Variants in TBC1D16 observed in about 807,000 individuals in gnomAD.
TBC1D16 encodes the protein TBC1 domain family member 16.
A neutral mutation model predicts 74.7 loss-of-function variants in TBC1D16; 58 were observed. That is an observed-to-expected ratio of 0.78 (90% confidence interval 0.63 to 0.97). The LOEUF (loss-of-function observed/expected upper bound fraction) is 0.97. Among genes scored for constraint, TBC1D16 ranks in the 50% least tolerant of loss-of-function variants. TBC1D16 has a pLI of 0.00. For missense variants in TBC1D16, 1,014 were observed against 1,079.5 expected (o/e 0.94, Z 0.85); for synonymous variants, 493 against 474.7 (o/e 1.04, Z -0.50).
rs2031340815 is a variant in TBC1D16, at chr17:79,932,849, A to G, written c.*8010T>C. On this transcript the variant is annotated 3_prime_UTR_variant, in exon 12 of 12. Transcript: ENST00000310924. ...GCACCATCCTAATTTCAACATCCAG[A>G]TGTCAATTCAGAAAATTATTATATC... is the stretch of plus-strand genomic sequence containing the variant. The G allele has an allele frequency of 6.6e-6, 1 of 152,246 alleles. No homozygotes were observed. The highest frequency in any genetic ancestry group is 6.5e-5 in the Admixed American group (1 of 15,284). 9.4% of individuals were successfully genotyped at this position (152,246 alleles called of 1,614,324 possible).
chr17:80,017,734 C>T (rs72848435), intron 1 of TBC1D16, among the ~76,000 whole-genome samples: 11,527 of 143,028 alleles, frequency 0.081, 467 homozygotes, highest in Non-Finnish European at 0.095. Context: ...ACAGGCTGTA[C>T]AAAACAGGTG....
At chr17:79,953,832 GCGATCT>G (rs2033200801) in intron 3 of TBC1D16, among the ~76,000 whole-genome samples, 1 of 150,888 alleles carries the variant, frequency 6.6e-6, no homozygotes, top group African/African-American at 2.4e-5. Flanking sequence ...AGTGCAGTGT[GCGATCT>G]CGGCTCACTG....
In TBC1D16 at chr17:80,010,367, C is replaced by T. The variant is rs368774708; in HGVS notation, c.572G>A (p.Ser191Asn). Residue 191 changes from serine to asparagine, a missense_variant, in exon 3 of 12, where the codon AGT (serine) becomes AAT (asparagine). Ser to Asn is a conservative substitution (Grantham distance 46, BLOSUM62 1). Coordinates refer to ENST00000310924, the MANE Select transcript of TBC1D16 (RefSeq NM_019020.4). This position sits in a 1 kb window ranked among gnomAD's most constrained non-coding sequence, Gnocchi z 8.8. ...CCCCTCCTCGGTGACATCCTGCGGA[C>T]TGACCGTCGACAAGATCCCGGAGGG... is the stretch of plus-strand genomic sequence containing the variant. ...CSPSGILSTV[S>N]PQDVTEEGRE... The T allele has an allele frequency of 1.2e-5, 20 of 1,612,152 alleles. No individual in the cohort carries two copies. The highest frequency in any genetic ancestry group is 1.4e-5 in the Non-Finnish European group (17 of 1,179,362).
chr17:79,972,855 G>A (rs1185326860), intron 3 of TBC1D16, among the ~76,000 whole-genome samples: 3 of 151,912 alleles, frequency 2.0e-5, no homozygotes, highest in African/African-American at 7.3e-5. Context: ...CGAGGCAGGA[G>A]TGGATCGCCT....
At position 79,980,322 on chromosome 17, in the gene TBC1D16, G is replaced by A. The variant is rs189814262; in HGVS notation, c.780-27504C>T. Among the ~76,000 whole-genome samples the A allele has an allele frequency of 5.7e-4, 86 of 152,206 alleles. No individual in the cohort carries two copies. The highest frequency in any genetic ancestry group is 1.2e-3 in the African/African-American group (50 of 41,500). Reference sequence around the variant, plus strand: ...AATTCCCCTTCTCTCTTGGCTTCACGGCACGGGCTTCTTGACCACCATGTA... The same window carrying A: ...AATTCCCCTTCTCTCTTGGCTTCACAGCACGGGCTTCTTGACCACCATGTA... On this transcript the variant is annotated intron_variant, in intron 3 of 11. Coordinates refer to ENST00000310924, the MANE Select transcript of TBC1D16 (RefSeq NM_019020.4). This position sits in a 1 kb window ranked among gnomAD's most constrained non-coding sequence, Gnocchi z 7.0.
At chr17:79,965,551 C>G (rs1453149749) in intron 3 of TBC1D16, among the ~76,000 whole-genome samples, 1 of 152,120 alleles carries the variant, frequency 6.6e-6, no homozygotes, top group Non-Finnish European at 1.5e-5. Context: ...TGAAGACTTC[C>G]TTACATAAAC....
chr17:80,025,188 GACAC>G (rs1166500076), intron 1 of TBC1D16, among the ~76,000 whole-genome samples: 1 of 147,030 alleles, frequency 6.8e-6, no homozygotes, highest in Non-Finnish European at 1.5e-5. Context: ...CACATACCAT[GACAC>G]ACACGCACCC....
Position 80,010,413 on chromosome 17 carries a change from C to T in TBC1D16, c.526G>A (p.Ala176Thr), listed in dbSNP as rs766476353. 6.2e-7 allele frequency: 1 copy of T among 1,611,236 alleles called. No individual in the cohort carries two copies. Among genetic ancestry groups the T allele is most frequent in the Non-Finnish European group, 8.5e-7 (1 of 1,179,094 alleles). The change falls in exon 3 of 12, where the codon GCC becomes ACC. Residue 176 changes from alanine (A) to threonine (T), a missense_variant. By Grantham distance (58) the Ala-to-Thr change is moderately conservative. Transcript: ENST00000310924. The surrounding 1 kb of genome is among the most constrained non-coding windows in gnomAD (Gnocchi z 8.8). The part of the protein sequence containing the change: ...QGLGVDGAQP[A>T]SQPACSPSGI... ...GAGGGGCTGCAAGCAGGCTGCGAGG[C>T]TGGCTGGGCACCATCCACCCCCAAG... is the stretch of plus-strand genomic sequence containing the variant.
In TBC1D16 at chr17:79,981,925, A is replaced by G. The variant is rs1462587427; in HGVS notation, c.779+28235T>C. ...TCCCTGTGCGCACACACACACGCAC[A>G]CACACACACATGCACATGTATTAAA... On this transcript the variant is annotated intron_variant, in intron 3 of 11. Coordinates refer to ENST00000310924, the MANE Select transcript of TBC1D16 (RefSeq NM_019020.4). This position sits in a 1 kb window ranked among gnomAD's most constrained non-coding sequence, Gnocchi z 6.9. Among the ~76,000 whole-genome samples, 2 of 152,340 alleles carry G rather than the reference A, an allele frequency of 1.3e-5. No homozygotes were observed. Among genetic ancestry groups the G allele is most frequent in the Admixed American group, 6.5e-5 (1 of 15,300 alleles).
At chr17:79,982,230 T>A (rs1225695136) in intron 3 of TBC1D16, among the ~76,000 whole-genome samples, 1 of 145,840 alleles carries the variant, frequency 6.9e-6, no homozygotes, top group Non-Finnish European at 1.5e-5. Flanking sequence ...CACCACAACC[T>A]CTGCCTCCCA....
rs1598305750 is a variant in TBC1D16, at chr17:79,940,896, G to A, written c.2267C>T (p.Pro756Leu). 9 of 1,579,106 alleles carry A rather than the reference G, an allele frequency of 5.7e-6. No individual in the cohort carries two copies. The highest frequency in any genetic ancestry group is 6.9e-6 in the Non-Finnish European group (8 of 1,157,382). The change falls in exon 12 of 12, where the codon CCA (proline) becomes CTA (leucine). Residue 756 changes from proline to leucine, a missense_variant. Pro to Leu is a moderately conservative substitution (Grantham distance 98). Coordinates refer to ENST00000310924, the MANE Select transcript of TBC1D16 (RefSeq NM_019020.4). The surrounding 1 kb of genome is among the most constrained non-coding windows in gnomAD (Gnocchi z 5.4). ...GCCGAAGCCGTCCTGCGGCGTCTTT[G>A]GGCCCTTCTTGCCTTCCCTCAGGGA... is the stretch of plus-strand genomic sequence containing the variant. ...PKSLREGKKG[P>L]KTPQDGFGFR...
chr17:80,025,152 A>G lies in TBC1D16; in HGVS notation c.-63+10643T>C, dbSNP rs566654721. Among the ~76,000 whole-genome samples the G allele has an allele frequency of 1.5e-3, 210 of 141,848 alleles. 35 individuals are homozygous for G. Among genetic ancestry groups the G allele is most frequent in the African/African-American group, 5.8e-3 (203 of 35,242 alleles). 93.1% of individuals were successfully genotyped at this position (141,848 alleles called of 152,430 possible). A position where few individuals can be genotyped will look rare whatever the true frequency, so the allele number is the denominator to read the frequency against. On this transcript the variant is annotated intron_variant, in intron 1 of 11. Coordinates refer to ENST00000310924, the MANE Select transcript of TBC1D16 (RefSeq NM_019020.4). The stretch of plus-strand genomic sequence containing the variant: ...ACACACCATAGGCACACACAAACAC[A>G]CCAGGACACACACACCATAGACACA...
chr17:79,972,983 GA>G (rs1213036044), intron 3 of TBC1D16, among the ~76,000 whole-genome samples: 1 of 152,172 alleles, frequency 6.6e-6, no homozygotes, highest in Non-Finnish European at 1.5e-5. Context: ...TCAGGAGGCT[GA>G]AGCGGGAGAA....
Position 79,988,778 on chromosome 17 carries a change from A to G in TBC1D16, c.779+21382T>C, listed in dbSNP as rs1332239370. Among the ~76,000 whole-genome samples, 2 of 152,244 alleles carry G rather than the reference A, an allele frequency of 1.3e-5. No individual in the cohort carries two copies. Among genetic ancestry groups the G allele is most frequent in the Non-Finnish European group, 2.9e-5 (2 of 68,038 alleles). ...CCTGCTTGTTTTATCAGTTAGAGCC[A>G]CAGAAAATCAAAGTCCAATCCCGCT... On this transcript the variant is annotated intron_variant, in intron 3 of 11. Transcript: ENST00000310924. This position sits in a 1 kb window ranked among gnomAD's most constrained non-coding sequence, Gnocchi z 5.7.
At chr17:80,033,828 GAGATTAGCAGCTA>G (rs2036853347) in intron 1 of TBC1D16, among the ~76,000 whole-genome samples, 2 of 152,232 alleles carry the variant, frequency 1.3e-5, no homozygotes, top group Admixed American at 6.5e-5. Flanking sequence ...GAAGTGAACT[GAGATTAGCAGCTA>G]GTGGTGACAT....
chr17:80,010,422 C>T lies in TBC1D16; in HGVS notation c.517G>A (p.Ala173Thr), dbSNP rs1291291790. 6.2e-7 allele frequency: 1 copy of T among 1,610,542 alleles called. No individual in the cohort carries two copies. Among genetic ancestry groups the T allele is most frequent in the Non-Finnish European group, 8.5e-7 (1 of 1,178,792 alleles). Residue 173 changes from alanine (A) to threonine (T), a missense_variant, in exon 3 of 12, where the codon GCC (alanine) becomes ACC (threonine). Ala to Thr is a moderately conservative substitution (Grantham distance 58). Transcript: ENST00000310924. This position sits in a 1 kb window ranked among gnomAD's most constrained non-coding sequence, Gnocchi z 8.8. ...CAAGCAGGCTGCGAGGCTGGCTGGG[C>T]ACCATCCACCCCCAAGCCCTGCGCC... Reference protein sequence around the residue: ...KLAQGLGVDGAQPASQPACSP... With the variant: ...KLAQGLGVDGTQPASQPACSP...
At chr17:79,965,279 A>C (rs929752047) in intron 3 of TBC1D16, among the ~76,000 whole-genome samples, 1 of 152,024 alleles carries the variant, frequency 6.6e-6, no homozygotes, top group African/African-American at 2.4e-5. Flanking sequence ...ACAGGGTTTC[A>C]CCATGTTGGC....
rs2034909582 is a variant in TBC1D16 at position 79,988,012 on chromosome 17, T to A, written c.779+22148A>T. 1.3e-5 allele frequency among the ~76,000 whole-genome samples: 2 copies of A among 150,230 alleles called. No individual in the cohort carries two copies. Among genetic ancestry groups the A allele is most frequent in the Non-Finnish European group, 3.0e-5 (2 of 67,476 alleles). On this transcript the variant is annotated intron_variant, in intron 3 of 11. Coordinates refer to ENST00000310924, the MANE Select transcript of TBC1D16 (RefSeq NM_019020.4). The surrounding 1 kb of genome is among the most constrained non-coding windows in gnomAD (Gnocchi z 5.7). ...TTGCCCAGCAATTCTGAATGTGGTT[T>A]AAAAAAAAAATTAGGTGGGGGAGAA...
At chr17:79,965,571 G>A (rs1473438515) in intron 3 of TBC1D16, among the ~76,000 whole-genome samples, 1 of 152,162 alleles carries the variant, frequency 6.6e-6, no homozygotes, top group Admixed American at 6.5e-5. Flanking sequence ...CCTTGTGGGT[G>A]AGACAGCACT....
Sources: allele counts gnomAD v4.1 joint callset (sites outside exome capture counted in the v4.1 genomes callset), GRCh38; gene constraint gnomAD v4.1.1; non-coding constraint Gnocchi (gnomAD v3.1); transcripts MANE v1.5; gene names NCBI Gene and HGNC (gene_info 2026-07-23, HGNC 2026-07-21).